The following SGCZ variants were observed in gnomAD, a reference collection of about 807,000 sequenced individuals.
SGCZ encodes the protein sarcoglycan zeta.
In SGCZ, 40 loss-of-function variants were observed where a neutral mutation model predicts 41.3. The observed-to-expected ratio is 0.97, with a 90% CI of 0.75 to 1.26. The LOEUF is 1.26. Ranked by LOEUF, SGCZ falls within the 50% of genes most tolerant of loss-of-function variation. SGCZ has a pLI of 0.00. For missense variants in SGCZ, 552 were observed against 369.8 expected, an observed-to-expected ratio of 1.49 and a Z score of -4.04; for synonymous variants, 206 against 137.5, an observed-to-expected ratio of 1.50 and a Z score of -3.49.
At chr8:14,462,206 G>A (rs1408269549) in intron 2 of SGCZ, among the ~76,000 whole-genome samples, 1 of 151,692 alleles carries the variant, frequency 6.6e-6, no homozygotes, top group Non-Finnish European at 1.5e-5. Context: ...TAAGGAATTT[G>A]CACTTTTGTG....
At chr8:14,841,994 A>G (rs1055191973) in intron 1 of SGCZ, among the ~76,000 whole-genome samples, 6 of 152,200 alleles carry the variant, frequency 3.9e-5, no homozygotes, top group African/African-American at 1.2e-4. Context: ...GGGTATAAGT[A>G]TGTGTGGACT....
intron 2 of SGCZ, among the ~76,000 whole-genome samples, chr8:14,400,130 T>C (rs1799030557): frequency 6.6e-6 from 1 of 152,134 alleles, no homozygotes; most frequent in African/African-American, 2.4e-5. Flanking sequence ...TGATCTTTTG[T>C]GAGTAGCTTC....
intron 1 of SGCZ, among the ~76,000 whole-genome samples, chr8:14,870,703 T>C (rs1366226077): frequency 6.6e-6 from 1 of 151,444 alleles, no homozygotes; most frequent in East Asian, 1.9e-4. Context: ...AAAGGGCTAA[T>C]ATACAGAATC....
chr8:14,203,450 T>C (rs1805520709), intron 4 of SGCZ, among the ~76,000 whole-genome samples: 1 of 152,190 alleles, frequency 6.6e-6, no homozygotes, highest in African/African-American at 2.4e-5. Context: ...CTTTTGATTT[T>C]TGTGCCAATA....
intron 1 of SGCZ, among the ~76,000 whole-genome samples, chr8:14,815,866 C>G (rs1801887328): frequency 6.6e-6 from 1 of 152,202 alleles, no homozygotes; most frequent in South Asian, 2.1e-4. Flanking sequence ...CTTGGAGTAA[C>G]TGTATGCAAA....
intron 1 of SGCZ, among the ~76,000 whole-genome samples, chr8:14,744,285 G>A (rs1263018503): frequency 6.6e-6 from 1 of 152,036 alleles, no homozygotes; most frequent in Non-Finnish European, 1.5e-5. Flanking sequence ...CATTGAAAAC[G>A]CCAAATGTGC....
At chr8:14,704,185 A>C (rs533120298) in intron 1 of SGCZ, among the ~76,000 whole-genome samples, 1 of 152,136 alleles carries the variant, frequency 6.6e-6, no homozygotes, top group Non-Finnish European at 1.5e-5. Flanking sequence ...AGCTATGCAT[A>C]CTCATAGATG....
chr8:14,367,925 T>C (rs1803770986), intron 2 of SGCZ, among the ~76,000 whole-genome samples: 2 of 152,162 alleles, frequency 1.3e-5, no homozygotes, highest in East Asian at 1.9e-4. Context: ...CTAACTACAA[T>C]GAATGGAATG....
intron 3 of SGCZ, among the ~76,000 whole-genome samples, chr8:14,284,629 G>C (rs1203060556): frequency 1.3e-5 from 2 of 152,032 alleles, no homozygotes; most frequent in Non-Finnish European, 2.9e-5. Flanking sequence ...ATATTGTTAA[G>C]TTTAAGCCTG....
intron 4 of SGCZ, among the ~76,000 whole-genome samples, chr8:14,233,597 G>T (rs71524113): frequency 0.19 from 26,925 of 145,300 alleles, 3,359 homozygotes; most frequent in Non-Finnish European, 0.28. Context: ...ATAAAATATA[G>T]ATATATATAT....
intron 3 of SGCZ, among the ~76,000 whole-genome samples, chr8:14,271,845 T>G (rs1800071748): frequency 1.3e-5 from 2 of 152,180 alleles, no homozygotes; most frequent in African/African-American, 4.8e-5. Flanking sequence ...GTTAAAAGCC[T>G]CGATCTCAGC....
chr8:14,405,794 G>T (rs1799196990), intron 2 of SGCZ, among the ~76,000 whole-genome samples: 1 of 152,060 alleles, frequency 6.6e-6, no homozygotes, highest in South Asian at 2.1e-4. Context: ...ATTAAAGTTG[G>T]CAAATTAGTT....
chr8:15,006,485 A>T (rs1242087471), intron 1 of SGCZ, among the ~76,000 whole-genome samples: 1 of 152,216 alleles, frequency 6.6e-6, no homozygotes, highest in African/African-American at 2.4e-5. Context: ...TTTTGTTTAG[A>T]CAATTTTGAA....
intron 3 of SGCZ, among the ~76,000 whole-genome samples, chr8:14,261,080 T>C (rs1799648980): frequency 6.7e-6 from 1 of 148,814 alleles, no homozygotes; most frequent in African/African-American, 2.4e-5. Flanking sequence ...ACATGTACCC[T>C]AAAACTTCAA....
chr8:14,891,989 C>T (rs992229407), intron 1 of SGCZ, among the ~76,000 whole-genome samples: 4 of 152,322 alleles, frequency 2.6e-5, no homozygotes, highest in African/African-American at 7.2e-5. Flanking sequence ...ATAATGCAAA[C>T]GTAACTTTTA....
intron 1 of SGCZ, among the ~76,000 whole-genome samples, chr8:14,712,370 A>C (rs1809548748): frequency 6.6e-6 from 1 of 152,092 alleles, no homozygotes; most frequent in African/African-American, 2.4e-5. Context: ...TTTCACTTAA[A>C]CCTCATGGAA....
chr8:14,592,307 ATTAG>A (rs1287329230), intron 1 of SGCZ, among the ~76,000 whole-genome samples: 1 of 152,164 alleles, frequency 6.6e-6, no homozygotes, highest in Admixed American at 6.6e-5. Context: ...ATTCTTCTGT[ATTAG>A]ATTGCTGCTT....
At chr8:14,567,574 C>G (rs1015605662) in intron 1 of SGCZ, among the ~76,000 whole-genome samples, 6 of 152,114 alleles carry the variant, frequency 3.9e-5, no homozygotes, top group Admixed American at 3.9e-4. Context: ...GTGGGTGGGG[C>G]TAGATAAGAG....
intron 1 of SGCZ, among the ~76,000 whole-genome samples, chr8:14,598,724 T>C (rs1296930478): frequency 2.0e-5 from 3 of 152,020 alleles, no homozygotes; most frequent in African/African-American, 7.2e-5. Context: ...GAGATATGTT[T>C]TTGCCAAGTA....
Sources: allele counts gnomAD v4.1 joint callset (sites outside exome capture counted in the v4.1 genomes callset), GRCh38; gene constraint gnomAD v4.1.1; transcripts MANE v1.5; gene names NCBI Gene and HGNC (gene_info 2026-07-23, HGNC 2026-07-21).